The following TEX2 variants were observed in gnomAD, a reference collection of about 807,000 sequenced individuals.
TEX2 encodes the protein testis expressed 2, also known as testis-expressed protein 2.
Under a neutral mutation model 106.9 loss-of-function variants are expected in TEX2, and 53 were observed. The observed-to-expected ratio is 0.50, with a 90% CI of 0.40 to 0.62. The LOEUF (loss-of-function observed/expected upper bound fraction) is 0.62. Among genes scored for constraint, TEX2 ranks in the 20% least tolerant of loss-of-function variants. The pLI is 0.00. For synonymous variants in TEX2, 523 were observed against 534.8 expected (o/e 0.98, Z 0.30); for missense variants, 1,207 against 1,379.0 (o/e 0.88, Z 1.98).
At chr17:64,235,111 A>G (rs1338155335) in intron 1 of TEX2, among the ~76,000 whole-genome samples, 1 of 152,240 alleles carries the variant, frequency 6.6e-6, no homozygotes, top group African/African-American at 2.4e-5. Context: ...TATGACTGCC[A>G]GCCCTCTAGC....
At chr17:64,231,352 C>T (rs1366574283) in intron 1 of TEX2, among the ~76,000 whole-genome samples, 1 of 152,134 alleles carries the variant, frequency 6.6e-6, no homozygotes, top group East Asian at 1.9e-4. Flanking sequence ...CACCAAGTAC[C>T]ATATATGTGC....
intron 2 of TEX2, among the ~76,000 whole-genome samples, chr17:64,196,368 T>C (rs2032466690): frequency 1.3e-5 from 2 of 152,038 alleles, no homozygotes; most frequent in South Asian, 2.1e-4. Context: ...AAGTGTGAAG[T>C]GGAAGGAAAA....
chr17:64,227,573 C>G (rs935191647), intron 1 of TEX2, among the ~76,000 whole-genome samples: 1 of 152,192 alleles, frequency 6.6e-6, no homozygotes, highest in Non-Finnish European at 1.5e-5. Flanking sequence ...AGCCAATCCT[C>G]CGTGCCTTAC....
intron 5 of TEX2, among the ~76,000 whole-genome samples, chr17:64,179,296 C>T (rs192616868): frequency 5.9e-5 from 9 of 152,266 alleles, no homozygotes; most frequent in Admixed American, 4.6e-4. Context: ...CTGTAAAATG[C>T]ACCAATCAGC....
At position 64,177,243 on chromosome 17, in the gene TEX2, T is replaced by C. The variant is rs878887632; in HGVS notation, c.2571+82A>G. 3.9e-6 allele frequency: 6 copies of C among 1,546,872 alleles called. No individual in the cohort carries two copies. The South Asian group carries it at 7.0e-5, about 18-fold the overall frequency. ...GTTATACGTTTAAACCAAATTATTT[T>C]TCACTTAGGACATAAGGGTACAAAA... is the stretch of plus-strand genomic sequence containing the variant. On this transcript the variant is annotated intron_variant, in intron 6 of 11. Coordinates refer to ENST00000584379, the MANE Select transcript of TEX2 (RefSeq NM_001288732.2).
chr17:64,247,101 A>G (rs1188334048), intron 1 of TEX2, among the ~76,000 whole-genome samples: 1 of 151,600 alleles, frequency 6.6e-6, no homozygotes, highest in Non-Finnish European at 1.5e-5. Flanking sequence ...AACATGGTGA[A>G]ACCCCATCTC....
rs140707239 is a variant in TEX2, at chr17:64,256,254, G to A, written c.-26+6914C>T. 2.7e-3 allele frequency among the ~76,000 whole-genome samples: 407 copies of A among 152,266 alleles called. 6 individuals carry two copies. Among genetic ancestry groups the A allele is most frequent in the African/African-American group, 9.6e-3 (397 of 41,558 alleles). On this transcript the variant is annotated intron_variant, in intron 1 of 11. Coordinates refer to ENST00000584379, the MANE Select transcript of TEX2 (RefSeq NM_001288732.2). ...TGAGAGTCAGCAAACCCTACCCACA[G>A]TCCTTTCTGTACATGCCAGGCATGG...
At chr17:64,199,180 A>G (rs1216979471) in intron 2 of TEX2, among the ~76,000 whole-genome samples, 1 of 152,180 alleles carries the variant, frequency 6.6e-6, no homozygotes, top group Non-Finnish European at 1.5e-5. Flanking sequence ...GTGCTGTACA[A>G]TGGAAATATT....
chr17:64,167,800 C>A (rs1448292387), intron 7 of TEX2, among the ~76,000 whole-genome samples: 1 of 151,682 alleles, frequency 6.6e-6, no homozygotes, highest in Non-Finnish European at 1.5e-5. Flanking sequence ...GGCTGGACGA[C>A]AAGAGTGAAA....
At chr17:64,149,136 C>T in intron 11 of TEX2, 45 bp from the exon 12 acceptor site, 2 of 1,601,988 alleles carry the variant, frequency 1.2e-6, no homozygotes, top group Non-Finnish European at 1.7e-6. Flanking sequence ...GAATGCCTTG[C>T]CAGGCTGTCA....
chr17:64,213,751 T>A lies in TEX2; in HGVS notation c.467A>T (p.Gln156Leu). The change falls in exon 2 of 12, where the codon CAG becomes CTG. Residue 156 changes from glutamine (Q) to leucine (L), a missense_variant. This residue lies in a region of TEX2 where 1,067 missense variants were observed against 1,193.6 expected (regional missense o/e 0.89). Transcript: ENST00000584379. The surrounding 1 kb of genome is among the most constrained non-coding windows in gnomAD (Gnocchi z 4.4). The part of the protein sequence containing the change: ...SSPSVSSLSE[Q>L]KTSSSSPLSS... ...CAATGGGGAGGAAGAACTGGTTTTC[T>A]GCTCAGAAAGGGATGACACACTGGG... is the stretch of plus-strand genomic sequence containing the variant. The A allele has an allele frequency of 6.2e-7, 1 of 1,614,156 alleles. No individual in the cohort carries two copies.
chr17:64,221,875 C>T lies in TEX2; in HGVS notation c.-25-7633G>A, dbSNP rs182554298. 1.4e-4 allele frequency among the ~76,000 whole-genome samples: 21 copies of T among 152,190 alleles called. No individual in the cohort carries two copies. The East Asian group carries it at 3.9e-3, about 28-fold the overall frequency. On this transcript the variant is annotated intron_variant, in intron 1 of 11. Coordinates refer to ENST00000584379, the MANE Select transcript of TEX2 (RefSeq NM_001288732.2). ...TGTCACATGCTACTACATGGATGAA[C>T]CTTGAGGACATTATGCTAACGAAAT...
chr17:64,169,079 C>T (rs2031278499), intron 7 of TEX2, among the ~76,000 whole-genome samples: 1 of 152,044 alleles, frequency 6.6e-6, no homozygotes, highest in African/African-American at 2.4e-5. Flanking sequence ...CGCTCTGTCG[C>T]CCAGGCTGGA....
Position 64,154,904 on chromosome 17 carries a change from G to C in TEX2, c.2868C>G (p.Ser956=). ...TGGGCTCTGGGGCATCGTCTTCCTC[G>C]GAGGAGCCAGCGCTGGAGGATTCCT... ...SDEESSSAGS[S]EEDDAPEPSG... The change falls in exon 9 of 12, where the codon TCC becomes TCG. Residue 956 remains serine (S), a synonymous_variant. Transcript: ENST00000584379. The C allele has an allele frequency of 6.2e-7, 1 of 1,609,838 alleles. No individual in the cohort carries two copies. Among genetic ancestry groups the C allele is most frequent in the Non-Finnish European group, 8.5e-7 (1 of 1,178,920 alleles).
chr17:64,238,959 A>G (rs2033827623), intron 1 of TEX2, among the ~76,000 whole-genome samples: 1 of 152,234 alleles, frequency 6.6e-6, no homozygotes. Flanking sequence ...AAAAAAAGGA[A>G]TTAGCTTTTA....
rs571339077 is a variant in TEX2 at position 64,150,992 on chromosome 17, G to A, written c.3141-31C>T. 8 of 1,609,524 alleles carry A rather than the reference G, an allele frequency of 5.0e-6. No homozygotes were observed. In the South Asian group the frequency reaches 8.9e-5, roughly 18 times the overall value. ...TGAAGACAAGTAATAACCACATTTA[G>A]AAGCAAAGCAAGGAATGAGACAGGC... On this transcript the variant is annotated intron_variant, in intron 10 of 11. Transcript: ENST00000584379.
At chr17:64,246,715 G>T (rs1237322867) in intron 1 of TEX2, among the ~76,000 whole-genome samples, 1 of 152,208 alleles carries the variant, frequency 6.6e-6, no homozygotes, top group African/African-American at 2.4e-5. Flanking sequence ...TCAGTAACAG[G>T]CAACAGCAGA....
At chr17:64,199,829 T>C (rs1160487367) in intron 2 of TEX2, among the ~76,000 whole-genome samples, 3 of 152,222 alleles carry the variant, frequency 2.0e-5, no homozygotes, top group East Asian at 1.9e-4. Flanking sequence ...GGGCCAGTTA[T>C]TGGGTTCAAG....
intron 5 of TEX2, among the ~76,000 whole-genome samples, chr17:64,179,520 G>A (rs186794529): frequency 2.6e-5 from 4 of 152,246 alleles, no homozygotes; most frequent in African/African-American, 7.2e-5. Flanking sequence ...TTGGGTCCGT[G>A]CCACCTTTAA....
Sources: gnomAD v4.1 joint callset for allele counts (sites outside exome capture counted in the v4.1 genomes callset) on GRCh38, gnomAD v4.1.1 for gene constraint, gnomAD v4.1.1 regional missense constraint, Gnocchi (gnomAD v3.1) non-coding constraint, MANE v1.5 for transcripts, NCBI Gene and HGNC (gene_info 2026-07-23, HGNC 2026-07-21) for gene names.